TUSC3: variants seen among roughly 807,000 people sequenced by gnomAD.
TUSC3 encodes tumor suppressor candidate 3.
Under a neutral mutation model 44.8 loss-of-function variants are expected in TUSC3, and 45 were observed. The observed-to-expected ratio is 1.00, with a 90% CI of 0.79 to 1.29. TUSC3 has a LOEUF of 1.29. TUSC3 is among the 50% of genes most tolerant of loss of function. The pLI is 0.00. For synonymous variants in TUSC3, 212 were observed against 152.9 expected (o/e 1.39, Z -2.85); for missense variants, 519 against 437.9 (o/e 1.19, Z -1.65).
chr8:15,767,707 C>T (rs527408979), downstream of TUSC3, among the ~76,000 whole-genome samples: 58 of 152,186 alleles, frequency 3.8e-4, no homozygotes, highest in African/African-American at 1.4e-3. Flanking sequence ...TTTGCTTTGA[C>T]CTATCTAGGG....
At chr8:15,791,541 CGA>C in the TUSC3 span, among the ~76,000 whole-genome samples, 1 of 152,054 alleles carries the variant, frequency 6.6e-6, no homozygotes, top group South Asian at 2.1e-4. Context: ...ACCACTGTTT[CGA>C]GAGATACTGC....
intron 1 of TUSC3, among the ~76,000 whole-genome samples, chr8:15,582,108 A>T (rs550970733): frequency 1.1e-4 from 16 of 150,750 alleles, no homozygotes; most frequent in African/African-American, 3.6e-4. Context: ...TGACTCGGAA[A>T]GGGAACTCCC....
At chr8:15,847,845 G>A in the TUSC3 span, among the ~76,000 whole-genome samples, 6 of 152,124 alleles carry the variant, frequency 3.9e-5, no homozygotes, top group Non-Finnish European at 5.9e-5. Flanking sequence ...GTGAGTGAAC[G>A]TTTGCTGACT....
intron 5 of TUSC3, among the ~76,000 whole-genome samples, chr8:15,662,706 G>A (rs935804903): frequency 6.6e-6 from 1 of 151,912 alleles, no homozygotes; most frequent in African/African-American, 2.4e-5. Flanking sequence ...GTTAGATACT[G>A]GCGATATAAA....
the TUSC3 span, among the ~76,000 whole-genome samples, chr8:15,839,829 G>A: frequency 0.81 from 123,477 of 152,066 alleles, 50,461 homozygotes; most frequent in Non-Finnish European, 0.85. Context: ...CGATTCCTCA[G>A]GGATCTAGAA....
chr8:15,796,214 T>G, the TUSC3 span, among the ~76,000 whole-genome samples: 4 of 152,174 alleles, frequency 2.6e-5, no homozygotes, highest in African/African-American at 4.8e-5. Flanking sequence ...GGTAACAATC[T>G]GGGTGGTGCA....
chr8:15,778,465 A>G, the TUSC3 span, among the ~76,000 whole-genome samples: 1 of 152,136 alleles, frequency 6.6e-6, no homozygotes, highest in Non-Finnish European at 1.5e-5. Flanking sequence ...GAAGAAAACT[A>G]TTAATGATTT....
chr8:15,615,231 T>C (rs1186067360), intron 1 of TUSC3, among the ~76,000 whole-genome samples: 1 of 152,204 alleles, frequency 6.6e-6, no homozygotes, highest in Non-Finnish European at 1.5e-5. Flanking sequence ...AATAGATGAA[T>C]GGATAACAAA....
rs764645001 is a variant in TUSC3, at chr8:15,459,832, T to TTGTGTGTGTA, written n.92-23545_92-23544insATGTGTGTGT. Reference sequence around the variant, plus strand: ...CTTTTATGGCTAAGTAGTATTCCATTTGTGTGTGTGTGTGTGTGTGTGTAT... The same window carrying TTGTGTGTGTA: ...CTTTTATGGCTAAGTAGTATTCCATTTGTGTGTGTATGTGTGTGTGTGTGTGTGTGTGTAT... On this transcript the variant is annotated intron_variant and non_coding_transcript_variant, in intron 1 of 5. Transcript: ENST00000503191. 2.0e-3 allele frequency among the ~76,000 whole-genome samples: 297 copies of TTGTGTGTGTA among 148,632 alleles called. 4 individuals carry two copies. The highest frequency in any genetic ancestry group is 7.0e-3 in the African/African-American group (285 of 40,458).
chr8:15,566,072 C>T (rs1300920760), intron 1 of TUSC3, among the ~76,000 whole-genome samples: 10 of 152,096 alleles, frequency 6.6e-5, no homozygotes, highest in African/African-American at 9.7e-5. Flanking sequence ...TTCTGTCCAT[C>T]GTTTGTTAAC....
At chr8:15,836,274 A>G in the TUSC3 span, among the ~76,000 whole-genome samples, 1 of 151,840 alleles carries the variant, frequency 6.6e-6, no homozygotes, top group East Asian at 1.9e-4. Context: ...TCAGGAGTTC[A>G]AGACAAGCCT....
intron 2 of TUSC3, among the ~76,000 whole-genome samples, chr8:15,637,375 T>C (rs1456788459): frequency 6.6e-6 from 1 of 152,178 alleles, no homozygotes; most frequent in Non-Finnish European, 1.5e-5. Context: ...TCTGTTTTGC[T>C]TTTTTGAAAC....
chr8:15,840,015 G>A, the TUSC3 span, among the ~76,000 whole-genome samples: 426 of 152,220 alleles, frequency 2.8e-3, 13 homozygotes, highest in East Asian at 0.075. Context: ...AAGAAAATGT[G>A]GCACATATAC....
chr8:15,681,019 T>C, intron 6 of TUSC3, among the ~76,000 whole-genome samples: 1 of 152,112 alleles, frequency 6.6e-6, no homozygotes. Flanking sequence ...TACATCTATG[T>C]TCCTTAGTGA....
intron 1 of TUSC3, among the ~76,000 whole-genome samples, chr8:15,550,403 G>A (rs1802020089): frequency 1.3e-5 from 2 of 151,670 alleles, no homozygotes; most frequent in Non-Finnish European, 2.9e-5. Flanking sequence ...TGTAGAATGT[G>A]ATTTTACAAA....
At chr8:15,544,774 A>G (rs1801809421) in intron 1 of TUSC3, among the ~76,000 whole-genome samples, 1 of 151,788 alleles carries the variant, frequency 6.6e-6, no homozygotes, top group Non-Finnish European at 1.5e-5. Flanking sequence ...CATGGTAGTT[A>G]TGCATTGATA....
At chr8:15,604,870 G>A (rs1417585164) in intron 1 of TUSC3, among the ~76,000 whole-genome samples, 1 of 151,724 alleles carries the variant, frequency 6.6e-6, no homozygotes, top group African/African-American at 2.4e-5. Context: ...CAGGAAAATG[G>A]TTTTATTTGT....
intron 1 of TUSC3, among the ~76,000 whole-genome samples, chr8:15,426,978 G>A (rs1474409362): frequency 6.6e-6 from 1 of 151,924 alleles, no homozygotes; most frequent in Admixed American, 6.6e-5. Flanking sequence ...GATGTTGAGG[G>A]TATTTTCATA....
chr8:15,698,400 A>G (rs1018316847), intron 6 of TUSC3, among the ~76,000 whole-genome samples: 6 of 152,340 alleles, frequency 3.9e-5, no homozygotes, highest in Admixed American at 6.5e-5. Context: ...AGTATTAACT[A>G]TATATTGTGT....
Sources: allele counts gnomAD v4.1 joint callset (sites outside exome capture counted in the v4.1 genomes callset), GRCh38; gene constraint gnomAD v4.1.1; transcripts MANE v1.5; gene names NCBI Gene and HGNC (gene_info 2026-07-23, HGNC 2026-07-21).